ZNF723: variants seen among roughly 807,000 people sequenced by gnomAD.
The protein encoded by ZNF723 is zinc finger protein 723, pseudogene.
Under a neutral mutation model 9.4 loss-of-function variants are expected in ZNF723, and 5 were observed. The observed-to-expected ratio is 0.53, with a 90% CI of 0.28 to 1.12. ZNF723 has a LOEUF of 1.12. ZNF723 is among the 50% of genes most tolerant of loss of function. The probability of loss-of-function intolerance (pLI) is 0.10; values close to 1 mark genes in which losing one functional copy is unlikely to be tolerated. For missense variants in ZNF723, 450 were observed against 501.5 expected, an observed-to-expected ratio of 0.90 and a Z score of 0.98; for synonymous variants, 158 against 168.8, an observed-to-expected ratio of 0.94 and a Z score of 0.49.
At chr19:22,851,434 A>T (rs766193179) in intron 3 of ZNF723, among the ~76,000 whole-genome samples, 3 of 152,080 alleles carry the variant, frequency 2.0e-5, no homozygotes, top group Non-Finnish European at 4.4e-5. Flanking sequence ...GACCTCCTAA[A>T]GTGCTGGGAT....
At chr19:22,818,396 C>A in the ZNF723 span, among the ~76,000 whole-genome samples, 14 of 152,238 alleles carry the variant, frequency 9.2e-5, no homozygotes, top group South Asian at 2.9e-3. Flanking sequence ...GAATAATTGA[C>A]TCTCATACAT....
chr19:22,822,074 T>A, the ZNF723 span, among the ~76,000 whole-genome samples: 1 of 152,162 alleles, frequency 6.6e-6, no homozygotes, highest in South Asian at 2.1e-4. Context: ...CATGCCATCG[T>A]ACTCCAGTCT....
chr19:22,822,293 C>G, the ZNF723 span, among the ~76,000 whole-genome samples: 3 of 152,166 alleles, frequency 2.0e-5, no homozygotes, highest in African/African-American at 7.2e-5. Context: ...AGATGCAGTT[C>G]ACAGTTAAAA....
At chr19:22,819,600 C>G in the ZNF723 span, among the ~76,000 whole-genome samples, 1 of 152,242 alleles carries the variant, frequency 6.6e-6, no homozygotes, top group Non-Finnish European at 1.5e-5. Flanking sequence ...TTTTGACATA[C>G]AGCTGATCCC....
At chr19:22,855,055 A>G (rs936449086) in intron 3 of ZNF723, among the ~76,000 whole-genome samples, 8 of 152,132 alleles carry the variant, frequency 5.3e-5, no homozygotes, top group African/African-American at 1.9e-4. Flanking sequence ...CTCAAAAAAA[A>G]AAATATTCTT....
chr19:22,833,897 C>T (rs1364761161), intron 1 of ZNF723, among the ~76,000 whole-genome samples: 1 of 150,500 alleles, frequency 6.6e-6, no homozygotes, highest in East Asian at 2.0e-4. Flanking sequence ...TGAGACACCG[C>T]GCCCGGCCGC....
At chr19:22,829,516 C>T (rs996664967), upstream of ZNF723, among the ~76,000 whole-genome samples, 12 of 152,074 alleles carry the variant, frequency 7.9e-5, no homozygotes, top group Non-Finnish European at 1.5e-4. Context: ...AACTCCTGAC[C>T]TCAGGTGATC....
the ZNF723 span, among the ~76,000 whole-genome samples, chr19:22,817,762 C>A: frequency 6.6e-6 from 1 of 152,160 alleles, no homozygotes. Flanking sequence ...CACAGAAAGG[C>A]TTAAGGGAAA....
chr19:22,849,707 G>A (rs1220160882), intron 3 of ZNF723, among the ~76,000 whole-genome samples: 2 of 152,242 alleles, frequency 1.3e-5, no homozygotes, highest in African/African-American at 2.4e-5. Context: ...TCAGGAGTTC[G>A]AGACCAGCCT....
At chr19:22,844,601 T>C (rs1016140352) in intron 1 of ZNF723, among the ~76,000 whole-genome samples, 61 of 152,348 alleles carry the variant, frequency 4.0e-4, no homozygotes, top group African/African-American at 1.4e-3. Flanking sequence ...TTTCCAAATG[T>C]AGGCTTATTC....
chr19:22,821,057 A>C, the ZNF723 span, among the ~76,000 whole-genome samples: 301 of 152,306 alleles, frequency 2.0e-3, 1 homozygote, highest in Middle Eastern at 0.01. Context: ...TGTGATTCAG[A>C]TATTGAGACT....
At chr19:22,845,944 C>CT (rs1291620197) in intron 1 of ZNF723, among the ~76,000 whole-genome samples, 1 of 141,036 alleles carries the variant, frequency 7.1e-6, no homozygotes, top group African/African-American at 2.7e-5. Context: ...TGCGTCCACT[C>CT]TGCCTCGTGG....
chr19:22,819,873 TGCATA>T, the ZNF723 span, among the ~76,000 whole-genome samples: 6 of 152,314 alleles, frequency 3.9e-5, no homozygotes, highest in South Asian at 1.2e-3. Context: ...TCCCAGGCCC[TGCATA>T]CATTGTGTAT....
chr19:22,844,900 G>A (rs1967289164), intron 1 of ZNF723, among the ~76,000 whole-genome samples: 1 of 152,178 alleles, frequency 6.6e-6, no homozygotes, highest in South Asian at 2.1e-4. Flanking sequence ...GGTGGATCAT[G>A]AGGTCAGGAG....
chr19:22,828,304 A>G (rs1599467550), upstream of ZNF723, among the ~76,000 whole-genome samples: 2 of 152,194 alleles, frequency 1.3e-5, no homozygotes, highest in African/African-American at 4.8e-5. Context: ...ACTAAGGCCT[A>G]GAGTTTTGGT....
the ZNF723 span, among the ~76,000 whole-genome samples, chr19:22,812,582 CACTAAT>C: frequency 6.6e-6 from 1 of 152,096 alleles, no homozygotes; most frequent in African/African-American, 2.4e-5. Flanking sequence ...TTGTAACTCT[CACTAAT>C]ACTGCAGAAA....
the ZNF723 span, among the ~76,000 whole-genome samples, chr19:22,826,741 C>T: frequency 5.3e-5 from 8 of 152,280 alleles, no homozygotes; most frequent in South Asian, 1.7e-3. Context: ...AATAAGGGTT[C>T]ATTCACAGTT....
At chr19:22,845,948 C>G (rs1967303090) in intron 1 of ZNF723, among the ~76,000 whole-genome samples, 1 of 148,074 alleles carries the variant, frequency 6.8e-6, no homozygotes, top group South Asian at 2.1e-4. Context: ...TCCACTCTGC[C>G]TCGTGGATTT....
At chr19:22,845,210 C>G (rs1452953373) in intron 1 of ZNF723, among the ~76,000 whole-genome samples, 2 of 152,174 alleles carry the variant, frequency 1.3e-5, no homozygotes, top group Admixed American at 6.5e-5. Context: ...GGTTTATAAG[C>G]TCGTTAAAGC....
Sources: gnomAD v4.1 joint callset for allele counts (sites outside exome capture counted in the v4.1 genomes callset) on GRCh38, gnomAD v4.1.1 for gene constraint, MANE v1.5 for transcripts, NCBI Gene and HGNC (gene_info 2026-07-23, HGNC 2026-07-21) for gene names.